The following FAT3 variants were observed in gnomAD, a reference collection of about 807,000 sequenced individuals.
The protein encoded by FAT3 is protocadherin Fat 3.
FAT3 carries 95 observed loss-of-function variants against 310.2 expected under a neutral mutation model. The ratio of observed to expected loss-of-function variants is 0.31; its 90% CI spans 0.26 to 0.36. The LOEUF is 0.36. FAT3 is among the 10% of genes least tolerant of loss of function. The probability of loss-of-function intolerance (pLI) is 1.00; values close to 1 mark genes in which losing one functional copy is unlikely to be tolerated. For missense variants in FAT3, 5,408 were observed against 5,715.6 expected, an observed-to-expected ratio of 0.95 and a Z score of 1.74; for synonymous variants, 2,314 against 2,192.9, an observed-to-expected ratio of 1.06 and a Z score of -1.54.
At chr11:92,728,720 G>T (rs1268188990) in intron 4 of FAT3, among the ~76,000 whole-genome samples, 1 of 152,156 alleles carries the variant, frequency 6.6e-6, no homozygotes, top group African/African-American at 2.4e-5. Flanking sequence ...ACCCTCTGGA[G>T]GTTCTGGGGA....
intron 2 of FAT3, among the ~76,000 whole-genome samples, chr11:92,412,923 A>T (rs971954488): frequency 2.0e-5 from 3 of 151,518 alleles, no homozygotes; most frequent in Admixed American, 6.6e-5. Context: ...ATTAGAACTG[A>T]CAAACCTACA....
chr11:92,313,851 C>G (rs1263354061), intron 1 of FAT3, among the ~76,000 whole-genome samples: 3 of 152,250 alleles, frequency 2.0e-5, no homozygotes, highest in African/African-American at 7.2e-5. Context: ...GGCCACCGCA[C>G]CCGGCCTCAA....
At position 92,569,163 on chromosome 11, in the gene FAT3, C is replaced by G. The variant is rs547044107; in HGVS notation, c.3607+44215C>G. 5.9e-5 allele frequency among the ~76,000 whole-genome samples: 9 copies of G among 152,314 alleles called. No individual in the cohort carries two copies. The South Asian group carries it at 1.7e-3, about 28-fold the overall frequency. ...CCAGTGGCTGAGACCAGGTGTCAGT[C>G]AGCCTGGAGCAATCCCTGCTCTACT... On this transcript the variant is annotated intron_variant, in intron 3 of 27. Coordinates refer to ENST00000525166, the MANE Select transcript of FAT3 (RefSeq NM_001367949.2).
intron 13 of FAT3, 31 bp from the exon 14 acceptor site, chr11:92,831,591 G>A: frequency 1.9e-6 from 3 of 1,581,764 alleles, no homozygotes; most frequent in Non-Finnish European, 8.6e-7. Flanking sequence ...CCATGTTCTT[G>A]CCCACTCATT....
At chr11:92,837,218 C>A (rs767494376) in intron 16 of FAT3, among the ~76,000 whole-genome samples, 2 of 152,170 alleles carry the variant, frequency 1.3e-5, no homozygotes, top group Non-Finnish European at 2.9e-5. Flanking sequence ...TGCTAAAAAG[C>A]AGATAGACTC....
At chr11:92,824,969 T>C (rs1565627496) in intron 13 of FAT3, among the ~76,000 whole-genome samples, 1 of 152,204 alleles carries the variant, frequency 6.6e-6, no homozygotes, top group Admixed American at 6.5e-5. Context: ...TGTTGGAAAA[T>C]TGGGTAAGTA....
At chr11:92,367,206 C>T (rs1949047999) in intron 2 of FAT3, 1 of 326,320 alleles carries the variant, frequency 3.1e-6, no homozygotes, top group Non-Finnish European at 6.1e-6. Flanking sequence ...CCAGGTTCCA[C>T]ATGCTCTCTC....
chr11:92,461,490 A>G (rs998207230), intron 2 of FAT3, among the ~76,000 whole-genome samples: 1 of 152,214 alleles, frequency 6.6e-6, no homozygotes, highest in Admixed American at 6.5e-5. Context: ...AATGAACATC[A>G]TAATGTTGAA....
intron 3 of FAT3, among the ~76,000 whole-genome samples, chr11:92,532,200 A>G (rs1432659015): frequency 1.3e-5 from 2 of 152,050 alleles, no homozygotes; most frequent in Non-Finnish European, 2.9e-5. Context: ...AATAAAATGA[A>G]ATACCTAGAG....
intron 2 of FAT3, among the ~76,000 whole-genome samples, chr11:92,394,739 C>T (rs912390911): frequency 2.0e-5 from 3 of 151,954 alleles, no homozygotes; most frequent in Admixed American, 6.6e-5. Flanking sequence ...ATTGAATCTA[C>T]AGTCTTTCCA....
chr11:92,638,943 A>G (rs1029852191), intron 3 of FAT3, among the ~76,000 whole-genome samples: 1 of 152,226 alleles, frequency 6.6e-6, no homozygotes, highest in African/African-American at 2.4e-5. Context: ...CATATAAGCC[A>G]TGTCTGACTA....
chr11:92,467,471 G>A (rs1349341417), intron 2 of FAT3, among the ~76,000 whole-genome samples: 1 of 152,106 alleles, frequency 6.6e-6, no homozygotes. Flanking sequence ...CCCTTCTTCA[G>A]TCCCTACTTT....
chr11:92,329,522 T>G (rs1947852149), intron 1 of FAT3, among the ~76,000 whole-genome samples: 1 of 151,752 alleles, frequency 6.6e-6, no homozygotes, highest in Non-Finnish European at 1.5e-5. Context: ...CAAATAAACT[T>G]CTTTCCTTTA....
chr11:92,679,146 C>T (rs1318444585), intron 3 of FAT3, among the ~76,000 whole-genome samples: 4 of 152,130 alleles, frequency 2.6e-5, no homozygotes, highest in Non-Finnish European at 1.5e-5. Context: ...CCTTTTATGG[C>T]TGAATAGTAT....
In FAT3 at chr11:92,343,145, T is replaced by G. The variant is rs547570011; in HGVS notation, c.-17-8951T>G. The stretch of plus-strand genomic sequence containing the variant: ...ATCTTCCATTTTTCTCAGAATCAAC[T>G]TGAATTACTCTTGCTGCATGCTGAC... On this transcript the variant is annotated intron_variant, in intron 1 of 27. Coordinates refer to ENST00000525166, the MANE Select transcript of FAT3 (RefSeq NM_001367949.2). Among the ~76,000 whole-genome samples, 35 of 152,288 alleles carry G rather than the reference T, an allele frequency of 2.3e-4. No individual in the cohort carries two copies. The East Asian group carries it at 6.8e-3, about 29-fold the overall frequency.
intron 1 of FAT3, among the ~76,000 whole-genome samples, chr11:92,299,261 T>C (rs1004775293): frequency 9.2e-5 from 14 of 152,090 alleles, no homozygotes; most frequent in African/African-American, 3.4e-4. Flanking sequence ...TTAGGCATCC[T>C]GGAAGTACCC....
intron 1 of FAT3, among the ~76,000 whole-genome samples, chr11:92,307,055 C>T (rs1190654614): frequency 6.6e-6 from 1 of 151,454 alleles, no homozygotes; most frequent in African/African-American, 2.4e-5. Flanking sequence ...CCTCAGCCTC[C>T]CAAAGTGCTG....
At chr11:92,815,122 A>G (rs184478883) in intron 13 of FAT3, among the ~76,000 whole-genome samples, 10 of 152,312 alleles carry the variant, frequency 6.6e-5, no homozygotes, top group Admixed American at 5.9e-4. Context: ...ACATTTGAGA[A>G]AAGAAATAAT....
chr11:92,772,608 C>T (rs947165276), intron 6 of FAT3, among the ~76,000 whole-genome samples: 1 of 152,038 alleles, frequency 6.6e-6, no homozygotes. Flanking sequence ...AGATGAGTCT[C>T]TTTTTAGATG....
Sources: gnomAD v4.1 joint callset for allele counts (sites outside exome capture counted in the v4.1 genomes callset) on GRCh38, gnomAD v4.1.1 for gene constraint, MANE v1.5 for transcripts, NCBI Gene and HGNC (gene_info 2026-07-23, HGNC 2026-07-21) for gene names.